The following KTN1 variants were observed in gnomAD, a reference collection of about 807,000 sequenced individuals.
KTN1 encodes the protein kinectin.
Under a neutral mutation model 222.5 loss-of-function variants are expected in KTN1, and 130 were observed. The observed-to-expected ratio is 0.58, with a 90% CI of 0.51 to 0.68. The LOEUF (loss-of-function observed/expected upper bound fraction) is 0.68. Ranked by LOEUF, KTN1 falls within the 30% of genes least tolerant of loss-of-function variation. The probability of loss-of-function intolerance (pLI) is 0.00; values close to 1 mark genes in which losing one functional copy is unlikely to be tolerated. For synonymous variants in KTN1, 512 were observed against 496.3 expected (o/e 1.03, Z -0.42); for missense variants, 1,508 against 1,500.4 (o/e 1.01, Z -0.08).
Position 55,612,585 on chromosome 14 carries a change from T to A in KTN1, c.523+14T>A, listed in dbSNP as rs2037747623. 6.5e-7 allele frequency: 1 copy of A among 1,544,586 alleles called. No homozygotes were observed. The highest frequency in any genetic ancestry group is 8.7e-7 in the Non-Finnish European group (1 of 1,151,392). On this transcript the variant is annotated intron_variant, in intron 2 of 43. Coordinates refer to ENST00000395314, the MANE Select transcript of KTN1 (RefSeq NM_001079521.2). ...AAAATGGAAGCGGTATTGTAATCTATTTAATCTATTTAATTTTATTGTATG... is the reference window on the plus strand; with the variant it reads ...AAAATGGAAGCGGTATTGTAATCTAATTAATCTATTTAATTTTATTGTATG...
At chr14:55,582,877 T>C (rs1345129439) in intron 1 of KTN1, among the ~76,000 whole-genome samples, 1 of 152,164 alleles carries the variant, frequency 6.6e-6, no homozygotes, top group Admixed American at 6.5e-5. Context: ...TTAGTGACTT[T>C]GAAGGTAAAT....
intron 1 of KTN1, among the ~76,000 whole-genome samples, chr14:55,592,670 C>T (rs534321376): frequency 6.6e-6 from 1 of 152,196 alleles, no homozygotes; most frequent in Admixed American, 6.5e-5. Flanking sequence ...AGTCCCTCCT[C>T]CAGTCCCTAT....
intron 34 of KTN1, chr14:55,668,540 GT>G (rs1355116285): frequency 2.0e-5 from 3 of 152,066 alleles, no homozygotes; most frequent in Admixed American, 6.6e-5. Context: ...TATTTTGGGG[GT>G]AGGGTAGAGT....
chr14:55,609,466 C>T (rs571301680), intron 1 of KTN1, among the ~76,000 whole-genome samples: 25 of 152,238 alleles, frequency 1.6e-4, no homozygotes, highest in East Asian at 1.2e-3. Context: ...GAGAGACTCC[C>T]GTGAAAATCC....
rs934272720 is a variant in KTN1, at chr14:55,612,395, A to T, written c.347A>T (p.Lys116Met). Residue 116 changes from lysine (K) to methionine (M), a missense_variant, in exon 2 of 44, where the codon AAG becomes ATG. Physicochemically the swap from Lys to Met is moderately conservative, Grantham distance 95. Coordinates refer to ENST00000395314, the MANE Select transcript of KTN1 (RefSeq NM_001079521.2). ...TCAAGTAGTGTTAGGGAAAGAAAAA[A>T]GAAGGAAAAGAAACAAAAGCCTGTG... ...ETSSSVRERK[K>M]KEKKQKPVLE... 6.2e-6 allele frequency: 10 copies of T among 1,613,868 alleles called. No individual in the cohort carries two copies. The highest frequency in any genetic ancestry group is 2.7e-5 in the African/African-American group (2 of 74,864).
chr14:55,621,814 A>G (rs569959623), intron 5 of KTN1, among the ~76,000 whole-genome samples: 8 of 150,780 alleles, frequency 5.3e-5, no homozygotes, highest in South Asian at 2.1e-4. Context: ...GACAGAGCCA[A>G]TTGCTTAAAA....
At chr14:55,676,340 T>A (rs376590756) in intron 41 of KTN1, among the ~76,000 whole-genome samples, 3 of 152,304 alleles carry the variant, frequency 2.0e-5, no homozygotes, top group East Asian at 1.9e-4. Flanking sequence ...CATACAAATA[T>A]ATTTTTCCTA....
At chr14:55,580,590 G>T (rs146028654) in intron 1 of KTN1, among the ~76,000 whole-genome samples, 11,600 of 151,600 alleles carry the variant, frequency 0.077, 493 homozygotes, top group South Asian at 0.11. Flanking sequence ...CCTCGGCCTC[G>T]CGGGGCCGCT....
At chr14:55,658,725 TTTTA>T (rs1346109671) in intron 30 of KTN1, 111 bp downstream of exon 30, 2 of 662,174 alleles carry the variant, frequency 3.0e-6, no homozygotes, top group East Asian at 2.7e-5. Context: ...ATGAAGTATG[TTTTA>T]TTTATGTTTA....
intron 13 of KTN1, 140 bp downstream of exon 13, chr14:55,639,362 CT>C (rs369782699): frequency 0.37 from 129,203 of 347,448 alleles, 6,518 homozygotes; most frequent in East Asian, 0.38. Context: ...GCAACTTTTG[CT>C]TTTTTTTTTT....
chr14:55,593,140 A>G (rs529358606), intron 1 of KTN1, among the ~76,000 whole-genome samples: 1 of 152,172 alleles, frequency 6.6e-6, no homozygotes, highest in South Asian at 2.1e-4. Context: ...GCTTTTTCAT[A>G]ATCACCTGTT....
intron 18 of KTN1, among the ~76,000 whole-genome samples, chr14:55,642,441 A>T (rs184490715): frequency 6.6e-6 from 1 of 152,318 alleles, no homozygotes; most frequent in South Asian, 2.1e-4. Context: ...GCCCAGTGGT[A>T]TCTGTTCTCT....
At chr14:55,631,341 G>GATTATATATATATATATATATATATATAT (rs1555371423) in intron 7 of KTN1, among the ~76,000 whole-genome samples, 1 of 114,718 alleles carries the variant, frequency 8.7e-6, no homozygotes, top group Admixed American at 9.3e-5. Context: ...TGATAAGGTT[G>GATTATATATATATATATATATATATATAT]ATATATATAT....
At chr14:55,681,053 T>A (rs1213231665) in intron 43 of KTN1, 1 of 200,368 alleles carries the variant, frequency 5.0e-6, no homozygotes, top group African/African-American at 2.3e-5. Flanking sequence ...TTACCACCCT[T>A]ATTTTTTTAC....
chr14:55,638,930 T>C (rs1219148358), intron 12 of KTN1, among the ~76,000 whole-genome samples: 1 of 151,840 alleles, frequency 6.6e-6, no homozygotes, highest in Non-Finnish European at 1.5e-5. Context: ...TTGTCAATTA[T>C]TTAGTTTCCA....
chr14:55,616,389 T>G, intron 2 of KTN1, 128 bp from the exon 3 acceptor site: 1 of 734,464 alleles, frequency 1.4e-6, no homozygotes, highest in Non-Finnish European at 2.2e-6. Context: ...AAGTTATTGG[T>G]GAGAGCGTTA....
chr14:55,683,912 C>T (rs1176544372), intron 43 of KTN1, among the ~76,000 whole-genome samples, 187 bp from the exon 44 acceptor site: 2 of 151,998 alleles, frequency 1.3e-5, no homozygotes, highest in Non-Finnish European at 2.9e-5. Flanking sequence ...TACCTAAAAG[C>T]TTGTTTCCTT....
At chr14:55,603,819 C>G (rs2036332852) in intron 1 of KTN1, among the ~76,000 whole-genome samples, 2 of 152,162 alleles carry the variant, frequency 1.3e-5, no homozygotes, top group South Asian at 4.1e-4. Flanking sequence ...GCCACTTTTC[C>G]CCTATCTCAG....
intron 29 of KTN1, among the ~76,000 whole-genome samples, chr14:55,657,397 G>GTTTTTGT (rs2043599749): frequency 7.3e-6 from 1 of 137,680 alleles, no homozygotes; most frequent in African/African-American, 2.7e-5. Flanking sequence ...CTGAGTTGAC[G>GTTTTTGT]TTTTTTTTTT....
Sources: gnomAD v4.1 joint callset for allele counts (sites outside exome capture counted in the v4.1 genomes callset) on GRCh38, gnomAD v4.1.1 for gene constraint, MANE v1.5 for transcripts, NCBI Gene and HGNC (gene_info 2026-07-23, HGNC 2026-07-21) for gene names.